The following GRIK2 variants were observed in gnomAD, a reference collection of about 807,000 sequenced individuals.
GRIK2 encodes glutamate receptor ionotropic, kainate 2.
GRIK2 carries 32 observed loss-of-function variants against 100.3 expected under a neutral mutation model. The observed-to-expected ratio is 0.32, with a 90% confidence interval of 0.24 to 0.43. The LOEUF is 0.43. GRIK2 is among the 20% of genes least tolerant of loss of function. GRIK2 has a pLI of 1.00. For synonymous variants in GRIK2, 417 were observed against 389.4 expected (o/e 1.07, Z -0.83); for missense variants, 843 against 1,114.9 (o/e 0.76, Z 3.47).
intron 14 of GRIK2, among the ~76,000 whole-genome samples, chr6:101,960,621 G>T (rs1045580058): frequency 1.3e-5 from 2 of 152,044 alleles, no homozygotes; most frequent in South Asian, 4.1e-4. Flanking sequence ...AGATAACCTT[G>T]GTTATAAATA....
rs139180924 is a variant in GRIK2, at chr6:101,496,483, C to T, written c.115+97091C>T. Among the ~76,000 whole-genome samples, 513 of 152,264 alleles carry T rather than the reference C, an allele frequency of 3.4e-3. 6 individuals carry two copies. Among genetic ancestry groups the T allele is most frequent in the African/African-American group, 0.012 (483 of 41,542 alleles). Reference sequence around the variant, plus strand: ...TTGCTGGGATAGAAACTATTCTGAACTGTCAGTGGGTGTCAGTTTGTAATT... The same window carrying T: ...TTGCTGGGATAGAAACTATTCTGAATTGTCAGTGGGTGTCAGTTTGTAATT... On this transcript the variant is annotated intron_variant, in intron 2 of 16. Coordinates refer to ENST00000369134, the MANE Select transcript of GRIK2 (RefSeq NM_021956.5).
intron 2 of GRIK2, among the ~76,000 whole-genome samples, chr6:101,544,924 G>A (rs568863223): frequency 6.6e-6 from 1 of 152,246 alleles, no homozygotes; most frequent in African/African-American, 2.4e-5. Flanking sequence ...ATATACAGTA[G>A]TGCTTTTAAA....
At chr6:101,892,293 G>T (rs1471632422) in intron 12 of GRIK2, among the ~76,000 whole-genome samples, 1 of 152,128 alleles carries the variant, frequency 6.6e-6, no homozygotes, top group Non-Finnish European at 1.5e-5. Context: ...TAGATTCAAA[G>T]CAAATACTGA....
intron 15 of GRIK2, among the ~76,000 whole-genome samples, chr6:102,045,149 T>C (rs1026497713): frequency 1.3e-5 from 2 of 152,036 alleles, no homozygotes; most frequent in Admixed American, 1.3e-4. Flanking sequence ...GTGAACAATA[T>C]AACCATGACC....
At chr6:101,915,961 C>A (rs1789077321) in intron 12 of GRIK2, among the ~76,000 whole-genome samples, 1 of 151,242 alleles carries the variant, frequency 6.6e-6, no homozygotes, top group Non-Finnish European at 1.5e-5. Flanking sequence ...ATTGCTGGGG[C>A]TCTTGCTTTT....
intron 12 of GRIK2, among the ~76,000 whole-genome samples, chr6:101,903,956 T>C (rs1788049796): frequency 6.6e-6 from 1 of 151,568 alleles, no homozygotes; most frequent in Admixed American, 6.6e-5. Context: ...AGTAGAGTTT[T>C]CTTTTAGGAA....
At chr6:101,418,618 G>A (rs1013460184) in intron 2 of GRIK2, among the ~76,000 whole-genome samples, 2 of 152,118 alleles carry the variant, frequency 1.3e-5, no homozygotes, top group African/African-American at 4.8e-5. Flanking sequence ...GGGTGGTTGG[G>A]GCTTTCTGTG....
intron 2 of GRIK2, among the ~76,000 whole-genome samples, chr6:101,440,733 C>T (rs904165676): frequency 3.3e-5 from 5 of 152,058 alleles, no homozygotes; most frequent in African/African-American, 9.7e-5. Context: ...AACATATTGA[C>T]ACATTTACTC....
chr6:101,976,550 A>G (rs947460209), intron 14 of GRIK2, among the ~76,000 whole-genome samples: 2 of 151,862 alleles, frequency 1.3e-5, no homozygotes, highest in South Asian at 4.1e-4. Flanking sequence ...TTAGCCAGGC[A>G]TGGTAACACA....
At chr6:101,985,740 A>G (rs1257076404) in intron 14 of GRIK2, among the ~76,000 whole-genome samples, 1 of 151,858 alleles carries the variant, frequency 6.6e-6, no homozygotes, top group Admixed American at 6.6e-5. Context: ...ATAGTTGCAG[A>G]TAATATACAT....
At chr6:101,676,025 A>G (rs571956303) in intron 4 of GRIK2, among the ~76,000 whole-genome samples, 19 of 152,322 alleles carry the variant, frequency 1.2e-4, no homozygotes, top group Middle Eastern at 3.4e-3. Flanking sequence ...GGTGCGTGAT[A>G]AAACACAGTG....
At chr6:102,022,855 T>C (rs1769503093) in intron 14 of GRIK2, among the ~76,000 whole-genome samples, 1 of 151,622 alleles carries the variant, frequency 6.6e-6, no homozygotes, top group Admixed American at 6.6e-5. Flanking sequence ...TTTTAATCTT[T>C]AGCATAATAG....
intron 4 of GRIK2, among the ~76,000 whole-genome samples, chr6:101,666,602 G>A (rs918760016): frequency 6.6e-6 from 1 of 152,222 alleles, no homozygotes; most frequent in Non-Finnish European, 1.5e-5. Flanking sequence ...TCTCCCAGGA[G>A]CTAATGGCAA....
At chr6:101,961,883 T>G (rs1006706547) in intron 14 of GRIK2, among the ~76,000 whole-genome samples, 1 of 152,112 alleles carries the variant, frequency 6.6e-6, no homozygotes, top group Non-Finnish European at 1.5e-5. Context: ...TGAGACTCTT[T>G]GGGTAGGATA....
intron 11 of GRIK2, among the ~76,000 whole-genome samples, chr6:101,873,349 G>C (rs1470913278): frequency 6.7e-6 from 1 of 148,672 alleles, no homozygotes; most frequent in Non-Finnish European, 1.5e-5. Flanking sequence ...TGTGGTGTTT[G>C]GTTTTTTGTC....
chr6:101,864,555 G>A (rs1189747769), intron 11 of GRIK2, among the ~76,000 whole-genome samples: 1 of 152,162 alleles, frequency 6.6e-6, no homozygotes, highest in African/African-American at 2.4e-5. Flanking sequence ...GATTTGAGAA[G>A]TAAACTCTAA....
intron 2 of GRIK2, among the ~76,000 whole-genome samples, chr6:101,549,725 A>G (rs1776417482): frequency 6.6e-6 from 1 of 152,170 alleles, no homozygotes; most frequent in Non-Finnish European, 1.5e-5. Flanking sequence ...AAGTTAAAAC[A>G]TCATATGCAG....
At chr6:101,971,047 T>G (rs1793016396) in intron 14 of GRIK2, among the ~76,000 whole-genome samples, 1 of 150,942 alleles carries the variant, frequency 6.6e-6, no homozygotes. Flanking sequence ...TTCCTTGCTG[T>G]GTATTTCAAA....
intron 4 of GRIK2, among the ~76,000 whole-genome samples, chr6:101,643,913 G>A (rs774025626): frequency 3.3e-4 from 50 of 151,674 alleles, no homozygotes; most frequent in South Asian, 1.2e-3. Context: ...AGTCTATTTA[G>A]TAGCCAATCA....
Sources: gnomAD v4.1 joint callset for allele counts (sites outside exome capture counted in the v4.1 genomes callset) on GRCh38, gnomAD v4.1.1 for gene constraint, MANE v1.5 for transcripts, NCBI Gene and HGNC (gene_info 2026-07-23, HGNC 2026-07-21) for gene names.